Variants in ERBB4 observed in about 807,000 individuals in gnomAD.
ERBB4 encodes receptor tyrosine-protein kinase erbB-4.
In ERBB4, 42 loss-of-function variants were observed where a neutral mutation model predicts 158.0. The observed-to-expected ratio is 0.27, with a 90% confidence interval of 0.21 to 0.34. ERBB4 has a LOEUF of 0.34. ERBB4 is among the 10% of genes least tolerant of loss of function. The pLI, the probability that ERBB4 is intolerant of heterozygous loss-of-function variation, is 1.00. For missense variants in ERBB4, 1,333 were observed against 1,624.1 expected (o/e 0.82, Z 3.08); for synonymous variants, 583 against 558.7 (o/e 1.04, Z -0.61).
chr2:212,355,196 T>C (rs1418203911), intron 1 of ERBB4, among the ~76,000 whole-genome samples: 3 of 152,112 alleles, frequency 2.0e-5, no homozygotes, highest in African/African-American at 7.2e-5. Context: ...GCACTTTGTG[T>C]ATAATTTTAC....
chr2:211,686,282 T>C (rs2072559761), intron 12 of ERBB4, among the ~76,000 whole-genome samples: 1 of 152,192 alleles, frequency 6.6e-6, no homozygotes, highest in African/African-American at 2.4e-5. Flanking sequence ...TTACTCTGAA[T>C]TTCTATTTTT....
At chr2:211,958,916 G>A (rs2081099624) in intron 2 of ERBB4, among the ~76,000 whole-genome samples, 1 of 91,100 alleles carries the variant, frequency 1.1e-5, no homozygotes, top group Non-Finnish European at 3.6e-5. Context: ...CATTCTCTTA[G>A]GTGCCTTCTC....
chr2:211,556,958 A>G (rs936950608), intron 20 of ERBB4, among the ~76,000 whole-genome samples: 1 of 152,214 alleles, frequency 6.6e-6, no homozygotes, highest in African/African-American at 2.4e-5. Flanking sequence ...ATAAGGCTGC[A>G]TACCTTCAAC....
At position 212,465,858 on chromosome 2, in the gene ERBB4, G is replaced by A. The variant is rs73063136; in HGVS notation, c.82+72591C>T. Among the ~76,000 whole-genome samples the A allele has an allele frequency of 6.6e-3, 1,004 of 152,186 alleles. 9 individuals are homozygous for A. The highest frequency in any genetic ancestry group is 0.023 in the African/African-American group (962 of 41,518). On this transcript the variant is annotated intron_variant, in intron 1 of 27. Transcript: ENST00000342788. Reference sequence around the variant, plus strand: ...ACCTAGTTTGCTACAAACAAACTTCGAATGTTAAGTGGAATTTCAAATAGA... The same window carrying A: ...ACCTAGTTTGCTACAAACAAACTTCAAATGTTAAGTGGAATTTCAAATAGA...
At chr2:211,558,599 A>T (rs1475510321) in intron 20 of ERBB4, among the ~76,000 whole-genome samples, 1 of 152,172 alleles carries the variant, frequency 6.6e-6, no homozygotes, top group Non-Finnish European at 1.5e-5. Context: ...CTTTTTGCAC[A>T]TGAGAAAAAA....
chr2:212,451,827 T>C (rs1231304823), intron 1 of ERBB4, among the ~76,000 whole-genome samples: 1 of 152,148 alleles, frequency 6.6e-6, no homozygotes, highest in African/African-American at 2.4e-5. Context: ...TTCCTTTCAT[T>C]TCTGTCTAGT....
chr2:211,627,446 T>G (rs570043195), intron 17 of ERBB4, among the ~76,000 whole-genome samples: 1 of 152,360 alleles, frequency 6.6e-6, no homozygotes, highest in Admixed American at 6.5e-5. Context: ...ATGAGACAGC[T>G]CATTCCAATT....
intron 2 of ERBB4, among the ~76,000 whole-genome samples, chr2:211,983,192 TAGAA>T (rs752192497): frequency 2.0e-5 from 3 of 152,088 alleles, no homozygotes; most frequent in Non-Finnish European, 4.4e-5. Context: ...AAAGCTGTAT[TAGAA>T]AGCCAAATGA....
At chr2:212,280,501 A>T (rs2085714575) in intron 1 of ERBB4, among the ~76,000 whole-genome samples, 1 of 151,666 alleles carries the variant, frequency 6.6e-6, no homozygotes, top group African/African-American at 2.4e-5. Context: ...AATATTCTAC[A>T]TCTTAAATTT....
At chr2:211,440,641 A>G (rs920523499) in intron 20 of ERBB4, among the ~76,000 whole-genome samples, 1 of 152,200 alleles carries the variant, frequency 6.6e-6, no homozygotes, top group Non-Finnish European at 1.5e-5. Context: ...TAAGCTGATT[A>G]TATCAAATTT....
At chr2:211,686,367 A>AT (rs2072563679) in intron 12 of ERBB4, among the ~76,000 whole-genome samples, 2 of 152,222 alleles carry the variant, frequency 1.3e-5, no homozygotes, top group African/African-American at 4.8e-5. Flanking sequence ...ATGATAATGA[A>AT]TTTTTTCTTC....
Position 211,706,301 on chromosome 2 carries a change from G to A in ERBB4, c.1125-910C>T, listed in dbSNP as rs188182931. Among the ~76,000 whole-genome samples, 10 of 152,196 alleles carry A rather than the reference G, an allele frequency of 6.6e-5. No individual in the cohort carries two copies. In the East Asian group the frequency reaches 1.9e-3, roughly 29 times the overall value. ...ACTGTGGACATCTCTTCTTTTACCA[G>A]TCTCTGAGAACATTCCTTTTTGGTA... On this transcript the variant is annotated intron_variant, in intron 9 of 27. Coordinates refer to ENST00000342788, the MANE Select transcript of ERBB4 (RefSeq NM_005235.3).
At chr2:211,716,657 C>G (rs56186400) in intron 7 of ERBB4, among the ~76,000 whole-genome samples, 14,786 of 151,424 alleles carry the variant, frequency 0.098, 1,041 homozygotes, top group East Asian at 0.24. Flanking sequence ...GCCTGGGCGA[C>G]AGAGCGAGAC....
chr2:212,475,895 A>G (rs1689363828), intron 1 of ERBB4, among the ~76,000 whole-genome samples: 1 of 151,926 alleles, frequency 6.6e-6, no homozygotes. Flanking sequence ...CAGTCCAATC[A>G]CTTTCATCTC....
chr2:211,790,813 T>C (rs1029970615), intron 3 of ERBB4, among the ~76,000 whole-genome samples: 5 of 151,978 alleles, frequency 3.3e-5, no homozygotes, highest in Non-Finnish European at 5.9e-5. Context: ...TTTTCCTTTA[T>C]GTTTGGTATA....
chr2:211,516,372 T>G (rs2066033773), intron 20 of ERBB4, among the ~76,000 whole-genome samples: 2 of 150,850 alleles, frequency 1.3e-5, no homozygotes, highest in Admixed American at 6.6e-5. Context: ...CTCACTCTGT[T>G]GCCCAGGCTG....
intron 3 of ERBB4, among the ~76,000 whole-genome samples, chr2:211,931,836 T>G (rs1355838130): frequency 6.6e-6 from 1 of 152,032 alleles, no homozygotes; most frequent in Non-Finnish European, 1.5e-5. Flanking sequence ...AAATTAATAT[T>G]CTTAAATATT....
intron 3 of ERBB4, among the ~76,000 whole-genome samples, chr2:211,813,618 G>A (rs776810740): frequency 2.0e-5 from 3 of 151,852 alleles, no homozygotes; most frequent in African/African-American, 4.8e-5. Context: ...CTTTTTTTCT[G>A]GGAGTTTTTT....
intron 25 of ERBB4, among the ~76,000 whole-genome samples, chr2:211,401,999 A>G (rs181467304): frequency 1.3e-5 from 2 of 151,946 alleles, no homozygotes; most frequent in Admixed American, 6.6e-5. Flanking sequence ...AAAATTATTA[A>G]GCCAGGGTGC....
Sources: gnomAD v4.1 joint callset for allele counts (sites outside exome capture counted in the v4.1 genomes callset) on GRCh38, gnomAD v4.1.1 for gene constraint, MANE v1.5 for transcripts, NCBI Gene and HGNC (gene_info 2026-07-23, HGNC 2026-07-21) for gene names.